Variants in LDAH observed in about 807,000 individuals in gnomAD.
The protein encoded by LDAH is lipid droplet associated hydrolase.
LDAH carries 26 observed loss-of-function variants against 29.6 expected under a neutral mutation model. The observed-to-expected ratio is 0.88, with a 90% confidence interval of 0.64 to 1.22. The LOEUF (loss-of-function observed/expected upper bound fraction) is 1.22. LDAH is among the 50% of genes most tolerant of loss of function. The pLI is 0.00. For missense variants in LDAH, 344 were observed against 387.3 expected (o/e 0.89, Z 0.94); for synonymous variants, 117 against 133.0 (o/e 0.88, Z 0.83).
intron 3 of LDAH, 106 bp downstream of exon 3, chr2:20,790,149 C>T: frequency 1.7e-6 from 2 of 1,189,938 alleles, no homozygotes; most frequent in Non-Finnish European, 2.4e-6. Context: ...GGGCCTAATG[C>T]CACAAGCAGA....
chr2:20,790,446 C>T (rs1670869727), intron 2 of LDAH, 48 bp from the exon 3 acceptor site: 1 of 1,516,052 alleles, frequency 6.6e-7, no homozygotes, highest in African/African-American at 1.4e-5. Flanking sequence ...AATAAACAGG[C>T]ATAAGATGAC....
chr2:20,738,381 T>C (rs986831174), intron 5 of LDAH, among the ~76,000 whole-genome samples: 1 of 151,954 alleles, frequency 6.6e-6, no homozygotes, highest in Admixed American at 6.5e-5. Flanking sequence ...TATATAAGCA[T>C]TGTACCTAGG....
At chr2:20,798,791 A>G (rs1427840326) in intron 2 of LDAH, among the ~76,000 whole-genome samples, 1 of 152,052 alleles carries the variant, frequency 6.6e-6, no homozygotes, top group Non-Finnish European at 1.5e-5. Context: ...AAAACTCAGG[A>G]GAATTGCTTG....
chr2:20,708,470 AATGT>A (rs1664469897), intron 5 of LDAH, among the ~76,000 whole-genome samples: 1 of 152,268 alleles, frequency 6.6e-6, no homozygotes, highest in Non-Finnish European at 1.5e-5. Context: ...TAAAATTCAG[AATGT>A]AAGCTATCCA....
intron 3 of LDAH, among the ~76,000 whole-genome samples, chr2:20,776,388 T>G (rs929204932): frequency 6.6e-6 from 1 of 152,170 alleles, no homozygotes; most frequent in African/African-American, 2.4e-5. Flanking sequence ...CATCCCTGTT[T>G]ATTTATCTCA....
At chr2:20,706,218 A>AG (rs1411552753) in intron 5 of LDAH, among the ~76,000 whole-genome samples, 1 of 152,202 alleles carries the variant, frequency 6.6e-6, no homozygotes, top group Non-Finnish European at 1.5e-5. Context: ...GGGGCTTAGG[A>AG]GAAAAAAAAG....
At chr2:20,731,899 G>A (rs1172814188) in intron 5 of LDAH, among the ~76,000 whole-genome samples, 2 of 150,876 alleles carry the variant, frequency 1.3e-5, no homozygotes, top group Non-Finnish European at 2.9e-5. Context: ...TTCCCTGGCA[G>A]AGCCGCAGAA....
intron 5 of LDAH, among the ~76,000 whole-genome samples, chr2:20,738,473 A>C (rs980773279): frequency 6.6e-6 from 1 of 151,938 alleles, no homozygotes; most frequent in South Asian, 2.1e-4. Flanking sequence ...TTACTTACTT[A>C]ATAAACTTGC....
intron 1 of LDAH, among the ~76,000 whole-genome samples, chr2:20,804,652 T>C (rs1671943281): frequency 1.3e-5 from 2 of 152,176 alleles, no homozygotes; most frequent in South Asian, 4.1e-4. Context: ...TAGCCTGATG[T>C]TATATTGCCT....
chr2:20,731,206 G>T (rs111352094), intron 5 of LDAH, among the ~76,000 whole-genome samples: 3,759 of 152,280 alleles, frequency 0.025, 167 homozygotes, highest in African/African-American at 0.086. Flanking sequence ...AATCCCCAAT[G>T]TTGGAGGTGG....
chr2:20,770,847 G>A (rs930954520), intron 4 of LDAH, among the ~76,000 whole-genome samples: 1 of 152,162 alleles, frequency 6.6e-6, no homozygotes, highest in Admixed American at 6.5e-5. Flanking sequence ...TTCAGGCAGA[G>A]CCAAGGCTGA....
In LDAH at chr2:20,802,671, C is replaced by G. The variant is rs547536874; in HGVS notation, c.-2-1206G>C. On this transcript the variant is annotated intron_variant, in intron 1 of 6. Coordinates refer to ENST00000237822, the MANE Select transcript of LDAH (RefSeq NM_021925.4). ...TTCTCCTCTTACCACTTTACATCAG[C>G]CTTGCACTTTAGTCTTCTTGTCCTT... Among the ~76,000 whole-genome samples, 13 of 152,282 alleles carry G rather than the reference C, an allele frequency of 8.5e-5. No homozygotes were observed. In the South Asian group the frequency reaches 1.9e-3, roughly 22 times the overall value.
chr2:20,710,618 A>C (rs57920303), intron 5 of LDAH, among the ~76,000 whole-genome samples: 16,312 of 119,048 alleles, frequency 0.14, 1,272 homozygotes, highest in East Asian at 0.2. Context: ...ATATATATAT[A>C]TAGATATATA....
chr2:20,774,766 G>A, intron 4 of LDAH, 44 bp downstream of exon 4: 1 of 1,582,618 alleles, frequency 6.3e-7, no homozygotes, highest in Non-Finnish European at 8.6e-7. Flanking sequence ...ATTTGTGCAG[G>A]CACACAGTCC....
rs1558370009 is a variant in LDAH, at chr2:20,684,979, C to T, written c.*1924G>A. On this transcript the variant is annotated 3_prime_UTR_variant, in exon 7 of 7. Transcript: ENST00000237822. ...TTCACTTTAAAAGAGAGACTTTGAG[C>T]CGAGTCTAACTCAGGAGAACTGCTC... is the stretch of plus-strand genomic sequence containing the variant. The T allele has an allele frequency of 1.9e-6, 3 of 1,545,580 alleles. No homozygotes were observed. The highest frequency in any genetic ancestry group is 4.9e-5 in the East Asian group (2 of 40,810).
intron 4 of LDAH, among the ~76,000 whole-genome samples, chr2:20,757,984 C>T (rs904440619): frequency 3.3e-5 from 5 of 152,136 alleles, no homozygotes; most frequent in South Asian, 2.1e-4. Context: ...TGTCAACCCC[C>T]ATAAACATGT....
intron 3 of LDAH, among the ~76,000 whole-genome samples, chr2:20,785,387 G>C (rs1026677604): frequency 4.6e-5 from 7 of 152,122 alleles, no homozygotes; most frequent in African/African-American, 1.7e-4. Flanking sequence ...CCTCTTTGTT[G>C]AATGATTTCT....
intron 5 of LDAH, among the ~76,000 whole-genome samples, chr2:20,716,692 G>A (rs1450938402): frequency 7.0e-6 from 1 of 142,494 alleles, no homozygotes; most frequent in Non-Finnish European, 1.5e-5. Context: ...AAACCTGCAC[G>A]TTGTGTAGAT....
At position 20,687,103 on chromosome 2, in the gene LDAH, C is replaced by A. The variant is rs1365863703; in HGVS notation, c.787-9G>T. Reference sequence around the variant, plus strand: ...CCATAATAAAATGTAAGCTGAAAGACAAGACAAAAACCTTTTATTAGAAAA... The same window carrying A: ...CCATAATAAAATGTAAGCTGAAAGAAAAGACAAAAACCTTTTATTAGAAAA... On this transcript the variant is annotated splice_polypyrimidine_tract_variant and intron_variant, in intron 6 of 6. Transcript: ENST00000237822. The A allele has an allele frequency of 1.3e-6, 2 of 1,597,860 alleles. No individual in the cohort carries two copies. Among genetic ancestry groups the A allele is most frequent in the Non-Finnish European group, 1.7e-6 (2 of 1,172,716 alleles).
Sources: gnomAD v4.1 joint callset for allele counts (sites outside exome capture counted in the v4.1 genomes callset) on GRCh38, gnomAD v4.1.1 for gene constraint, MANE v1.5 for transcripts, NCBI Gene and HGNC (gene_info 2026-07-23, HGNC 2026-07-21) for gene names.